The following PFKFB4 variants were observed in gnomAD, a reference collection of about 807,000 sequenced individuals.
PFKFB4 encodes the protein 6-phosphofructo-2-kinase/fructose-2,6-biphosphatase 4.
A neutral mutation model predicts 62.8 loss-of-function variants in PFKFB4; 42 were observed. That is an observed-to-expected ratio of 0.67 (90% confidence interval 0.52 to 0.86). PFKFB4 has a LOEUF of 0.86. PFKFB4 is among the 40% of genes least tolerant of loss of function. PFKFB4 has a pLI of 0.00. For missense variants in PFKFB4, 475 were observed against 627.2 expected, an observed-to-expected ratio of 0.76 and a Z score of 2.59; for synonymous variants, 204 against 240.7, an observed-to-expected ratio of 0.85 and a Z score of 1.41.
chr3:48,539,527 T>A lies in PFKFB4; in HGVS notation c.453+170A>T. 3 of 716,154 alleles carry A rather than the reference T, an allele frequency of 4.2e-6. No homozygotes were observed. The South Asian group carries it at 5.2e-5, about 12-fold the overall frequency. The allele number at this position is 716,154 out of a possible 1,614,324, so 44.4% of individuals were successfully genotyped here. A position where few individuals can be genotyped will look rare whatever the true frequency, so the allele number is the denominator to read the frequency against. On this transcript the variant is annotated intron_variant, in intron 5 of 13. Transcript: ENST00000232375. ...CCTAGACTCTCCCACGAAAACCCCC[T>A]TCCCTCTGGAAAGCAAACCCCAAGT... is the stretch of plus-strand genomic sequence containing the variant.
intron 1 of PFKFB4, among the ~76,000 whole-genome samples, chr3:48,551,389 T>C (rs978155128): frequency 1.1e-4 from 17 of 151,392 alleles, no homozygotes; most frequent in Non-Finnish European, 2.5e-4. Flanking sequence ...CTAATTTTTG[T>C]ATTTTCAGTA....
intron 1 of PFKFB4, among the ~76,000 whole-genome samples, chr3:48,552,832 C>T (rs1457496941): frequency 6.6e-6 from 1 of 152,204 alleles, no homozygotes; most frequent in African/African-American, 2.4e-5. Flanking sequence ...ATTTCCCTTC[C>T]CGCCTTCCAC....
Position 48,523,520 on chromosome 3 carries a change from G to T in PFKFB4, c.1285+17C>A. 1 of 1,610,896 alleles carries T rather than the reference G, an allele frequency of 6.2e-7. No homozygotes were observed. The highest frequency in any genetic ancestry group is 8.5e-7 in the Non-Finnish European group (1 of 1,177,184). On this transcript the variant is annotated intron_variant, in intron 12 of 13. Coordinates refer to ENST00000232375, the MANE Select transcript of PFKFB4 (RefSeq NM_004567.4). ...GGTCATGGCTACCCATGGTCAATGTGCAGGAAGCTTCCTTACCATATGCCA... is the reference window on the plus strand; with the variant it reads ...GGTCATGGCTACCCATGGTCAATGTTCAGGAAGCTTCCTTACCATATGCCA...
At chr3:48,554,912 T>C (rs941629610) in intron 1 of PFKFB4, among the ~76,000 whole-genome samples, 3 of 151,962 alleles carry the variant, frequency 2.0e-5, no homozygotes, top group Non-Finnish European at 4.4e-5. Flanking sequence ...TAGCCGGCCA[T>C]GGTGGCGCAT....
intron 3 of PFKFB4, among the ~76,000 whole-genome samples, chr3:48,547,370 C>T (rs2107573798): frequency 6.6e-6 from 1 of 152,210 alleles, no homozygotes; most frequent in East Asian, 1.9e-4. Context: ...TATGCACATG[C>T]ATGCATGTGC....
At chr3:48,525,142 G>A (rs1228516612) in intron 10 of PFKFB4, among the ~76,000 whole-genome samples, 7 of 152,204 alleles carry the variant, frequency 4.6e-5, no homozygotes, top group Admixed American at 1.3e-4. Flanking sequence ...GAGCGCCCCG[G>A]AAAGGGCTGA....
chr3:48,550,320 A>C, intron 1 of PFKFB4, 86 bp from the exon 2 acceptor site: 2 of 850,728 alleles, frequency 2.4e-6, no homozygotes, highest in Non-Finnish European at 4.0e-6. Context: ...TCTCAGCCTC[A>C]GGGCATGGGA....
At chr3:48,533,467 T>C (rs1027512230) in intron 9 of PFKFB4, among the ~76,000 whole-genome samples, 10 of 152,162 alleles carry the variant, frequency 6.6e-5, no homozygotes, top group Admixed American at 1.3e-4. Context: ...GCTTTTCATA[T>C]TGAAATGGGA....
upstream of PFKFB4, chr3:48,562,798 G>A (rs762599762): frequency 7.5e-5 from 116 of 1,552,730 alleles, no homozygotes; most frequent in Non-Finnish European, 9.1e-5. This position sits in a 1 kb window ranked among gnomAD's most constrained non-coding sequence, Gnocchi z 4.3. Context: ...AGCAGTGGCC[G>A]ACACGGGCCA....
At chr3:48,531,433 A>ATT (rs757109110) in intron 9 of PFKFB4, among the ~76,000 whole-genome samples, 60 of 140,270 alleles carry the variant, frequency 4.3e-4, no homozygotes, top group African/African-American at 1.3e-3. Context: ...GGAAGCAGAA[A>ATT]TTTTTTTTTT....
At chr3:48,520,609 C>A (rs2042068053) in intron 13 of PFKFB4, among the ~76,000 whole-genome samples, 1 of 152,200 alleles carries the variant, frequency 6.6e-6, no homozygotes, top group Non-Finnish European at 1.5e-5. Context: ...ATAGGACCGG[C>A]CCCTGGAATT....
At chr3:48,526,765 C>T (rs2042273776) in intron 9 of PFKFB4, among the ~76,000 whole-genome samples, 1 of 150,378 alleles carries the variant, frequency 6.6e-6, no homozygotes, top group Admixed American at 6.7e-5. Flanking sequence ...ATGGTGAAAC[C>T]CCGTCTCTAC....
At chr3:48,530,842 G>C (rs2042405556) in intron 9 of PFKFB4, among the ~76,000 whole-genome samples, 1 of 152,078 alleles carries the variant, frequency 6.6e-6, no homozygotes, top group African/African-American at 2.4e-5. Flanking sequence ...ACGTAGCTGG[G>C]ATTACAGGCA....
intron 13 of PFKFB4, among the ~76,000 whole-genome samples, chr3:48,520,462 T>C (rs1179474052): frequency 6.6e-6 from 1 of 152,088 alleles, no homozygotes; most frequent in Non-Finnish European, 1.5e-5. Flanking sequence ...TGGTGGCCCC[T>C]CCTCCCAGCT....
chr3:48,533,680 C>G lies in PFKFB4; in HGVS notation c.987+1832G>C, dbSNP rs140946909. Among the ~76,000 whole-genome samples the G allele has an allele frequency of 3.2e-3, 488 of 152,238 alleles. 2 individuals carry two copies. Among genetic ancestry groups the G allele is most frequent in the African/African-American group, 0.011 (467 of 41,534 alleles). On this transcript the variant is annotated intron_variant, in intron 9 of 13. Coordinates refer to ENST00000232375, the MANE Select transcript of PFKFB4 (RefSeq NM_004567.4). Reference sequence around the variant, plus strand: ...GACCAGCCTGGCCAACGTGGTGAAACCCTGTCTCTACTAAAAATACAAAAA... The same window carrying G: ...GACCAGCCTGGCCAACGTGGTGAAAGCCTGTCTCTACTAAAAATACAAAAA...
At chr3:48,541,882 C>G (rs923901482) in intron 4 of PFKFB4, among the ~76,000 whole-genome samples, 3 of 152,108 alleles carry the variant, frequency 2.0e-5, no homozygotes, top group Non-Finnish European at 2.9e-5. Context: ...GTGAGGATCA[C>G]TTAAGCCTAG....
chr3:48,560,201 G>A (rs1442956302), upstream of PFKFB4, among the ~76,000 whole-genome samples: 2 of 151,876 alleles, frequency 1.3e-5, no homozygotes, highest in East Asian at 1.9e-4. Context: ...ACACACAGAC[G>A]CACACACACT....
At position 48,549,955 on chromosome 3, in the gene PFKFB4, T is replaced by G; in HGVS notation, c.220A>C (p.Asn74His). 8 of 1,612,114 alleles carry G rather than the reference T, an allele frequency of 5.0e-6. No homozygotes were observed. Among genetic ancestry groups the G allele is most frequent in the Admixed American group, 1.7e-5 (1 of 60,020 alleles). The change falls in exon 3 of 14, where the codon AAT becomes CAT. Residue 74 changes from asparagine to histidine, a missense_variant. Physicochemically the swap from Asn to His is moderately conservative, Grantham distance 68 (BLOSUM62 1). Transcript: ENST00000232375. ...NWIGVPTREF[N>H]VGQYRRDVVK... ...ACGTCCCGGCGATACTGGCCAACAT[T>G]GAACTCTGGAGGGAAGGAGAGGCTC...
At chr3:48,537,820 C>T (rs1396818037) in intron 7 of PFKFB4, among the ~76,000 whole-genome samples, 2 of 152,112 alleles carry the variant, frequency 1.3e-5, no homozygotes, top group East Asian at 1.9e-4. Flanking sequence ...CCACTCTGCC[C>T]GGCCCGTATT....
Sources: gnomAD v4.1 joint callset for allele counts (sites outside exome capture counted in the v4.1 genomes callset) on GRCh38, gnomAD v4.1.1 for gene constraint, Gnocchi (gnomAD v3.1) non-coding constraint, MANE v1.5 for transcripts, NCBI Gene and HGNC (gene_info 2026-07-23, HGNC 2026-07-21) for gene names.